The following LTBP2 variants were observed in gnomAD, a reference collection of about 807,000 sequenced individuals.
LTBP2 encodes latent transforming growth factor beta binding protein 2, also known as latent-transforming growth factor beta-binding protein 2.
In LTBP2, 103 loss-of-function variants were observed where a neutral mutation model predicts 210.6. The observed-to-expected ratio is 0.49, with a 90% CI of 0.42 to 0.58. The LOEUF is 0.58. Among genes scored for constraint, LTBP2 ranks in the 20% least tolerant of loss-of-function variants. The pLI is 0.00. For synonymous variants in LTBP2, 1,007 were observed against 1,015.0 expected (o/e 0.99, Z 0.15); for missense variants, 2,313 against 2,494.5 (o/e 0.93, Z 1.55).
chr14:74,521,809 C>T (rs2087205927), intron 17 of LTBP2, 102 bp downstream of exon 17: 1 of 1,499,986 alleles, frequency 6.7e-7, no homozygotes, highest in South Asian at 1.1e-5. Context: ...CTGCCCACTC[C>T]CCATTCTGCG....
In LTBP2 at chr14:74,540,168, T is replaced by C. The variant is rs150076954; in HGVS notation, c.1790-4168A>G. Among the ~76,000 whole-genome samples the C allele has an allele frequency of 3.2e-4, 48 of 152,180 alleles. 1 individual carries two copies. The highest frequency in any genetic ancestry group is 1.1e-3 in the African/African-American group (47 of 41,536). Reference sequence around the variant, plus strand: ...AGCTTCTGTAAGACCAAGTACAGCATTGAATCCAAAAAATCAGGTTAAGGC... The same window carrying C: ...AGCTTCTGTAAGACCAAGTACAGCACTGAATCCAAAAAATCAGGTTAAGGC... On this transcript the variant is annotated intron_variant, in intron 8 of 35. Coordinates refer to ENST00000261978, the MANE Select transcript of LTBP2 (RefSeq NM_000428.3).
chr14:74,546,633 G>T (rs558880739), intron 8 of LTBP2, among the ~76,000 whole-genome samples: 28 of 152,352 alleles, frequency 1.8e-4, no homozygotes, highest in African/African-American at 6.7e-4. Context: ...TCTGGGATGG[G>T]GCAGAGCGAG....
chr14:74,503,437 TCTC>T lies in LTBP2; in HGVS notation c.4720+29_4720+31del, dbSNP rs750603427. On this transcript the variant is annotated intron_variant, in intron 32 of 35. Coordinates refer to ENST00000261978, the MANE Select transcript of LTBP2 (RefSeq NM_000428.3). ...ATGAGCCCCCCAGCCCAGGTACCCTTCTCCTGCTCCCCCACGCTCAGGCCCACT... is the reference window on the plus strand; with the variant it reads ...ATGAGCCCCCCAGCCCAGGTACCCTTCTGCTCCCCCACGCTCAGGCCCACT... 3.1e-6 allele frequency: 5 copies of T among 1,609,294 alleles called. No individual in the cohort carries two copies. In the East Asian group the frequency reaches 6.7e-5, roughly 22 times the overall value.
intron 17 of LTBP2, among the ~76,000 whole-genome samples, chr14:74,517,459 C>T (rs1331630753): frequency 2.0e-5 from 3 of 152,130 alleles, no homozygotes; most frequent in Non-Finnish European, 4.4e-5. Flanking sequence ...CAACCTCTGC[C>T]TCCCTGGCTC....
Position 74,507,220 on chromosome 14 carries a change from C to G in LTBP2, c.3866G>C (p.Cys1289Ser), listed in dbSNP as rs765777797. The G allele has an allele frequency of 6.2e-7, 1 of 1,614,212 alleles. No individual in the cohort carries two copies. The highest frequency in any genetic ancestry group is 2.2e-5 in the East Asian group (1 of 44,892). ...CGGGGCCATGTGGAAGCCAGGCTGG[C>G]AGCCCAGAACACAGCGGTAGGAGCC... Reference protein sequence around the residue: ...SPGSYRCVLGCQPGFHMAPNG... With the variant: ...SPGSYRCVLGSQPGFHMAPNG... Residue 1289 changes from cysteine to serine, a missense_variant, in exon 26 of 36, where the codon TGC becomes TCC. Around this residue, in one of 3 missense-constraint regions of LTBP2, gnomAD observed 1,867 missense variants for 1,976.9 expected, o/e 0.94. Transcript: ENST00000261978.
intron 3 of LTBP2, among the ~76,000 whole-genome samples, chr14:74,572,966 C>T (rs2088005304): frequency 6.6e-6 from 1 of 152,198 alleles, no homozygotes; most frequent in Non-Finnish European, 1.5e-5. Flanking sequence ...ATGAACATAG[C>T]TACAAGCTTG....
Position 74,513,191 on chromosome 14 carries a change from G to T in LTBP2, c.2909-1827C>A, listed in dbSNP as rs371236492. Among the ~76,000 whole-genome samples, 5 of 152,204 alleles carry T rather than the reference G, an allele frequency of 3.3e-5. No homozygotes were observed. The East Asian group carries it at 7.7e-4, about 23-fold the overall frequency. Reference sequence around the variant, plus strand: ...ATGCTGGGCACATCTCTTGGAGGTGGTGTGTGTAGTGTCTTAATGCTGGGC... The same window carrying T: ...ATGCTGGGCACATCTCTTGGAGGTGTTGTGTGTAGTGTCTTAATGCTGGGC... On this transcript the variant is annotated intron_variant, in intron 18 of 35. Coordinates refer to ENST00000261978, the MANE Select transcript of LTBP2 (RefSeq NM_000428.3).
In LTBP2 at chr14:74,612,147, C is replaced by T; in HGVS notation, c.-203G>A. ...CCCGAGCCTCGAGTCCGCGCTCCTA[C>T]TCCAGCTGGGCTCGCACGGCTGCTG... is the stretch of plus-strand genomic sequence containing the variant. On this transcript the variant is annotated 5_prime_UTR_variant, in exon 1 of 36. Transcript: ENST00000261978. 1.8e-6 allele frequency: 1 copy of T among 541,886 alleles called. No homozygotes were observed. The highest frequency in any genetic ancestry group is 3.1e-6 in the Non-Finnish European group (1 of 320,390). 33.6% of individuals were successfully genotyped at this position (541,886 alleles called of 1,614,324 possible).
chr14:74,533,315 T>C (rs2087375770), intron 9 of LTBP2, among the ~76,000 whole-genome samples: 1 of 152,058 alleles, frequency 6.6e-6, no homozygotes, highest in Admixed American at 6.5e-5. Flanking sequence ...CACCCACTGG[T>C]TTGGGGAAAT....
intron 17 of LTBP2, among the ~76,000 whole-genome samples, chr14:74,520,416 C>A (rs1221677130): frequency 6.6e-6 from 1 of 152,154 alleles, no homozygotes; most frequent in Middle Eastern, 3.2e-3. Context: ...TTAAATGGGG[C>A]TAAGGATTTC....
At chr14:74,594,512 C>T (rs1173825863) in intron 2 of LTBP2, among the ~76,000 whole-genome samples, 1 of 152,216 alleles carries the variant, frequency 6.6e-6, no homozygotes, top group Non-Finnish European at 1.5e-5. Context: ...CACTGAGCCA[C>T]CCGATCCCCT....
chr14:74,546,657 C>T (rs1323019497), intron 8 of LTBP2, among the ~76,000 whole-genome samples: 2 of 152,142 alleles, frequency 1.3e-5, no homozygotes, highest in South Asian at 2.1e-4. Context: ...AAGGGCTGAG[C>T]GTTGGGTGTG....
chr14:74,587,419 G>A (rs1218964594), intron 2 of LTBP2, among the ~76,000 whole-genome samples: 2 of 151,808 alleles, frequency 1.3e-5, no homozygotes, highest in Non-Finnish European at 2.9e-5. Context: ...TGATGCAGGG[G>A]TCCAGGCCGA....
intron 3 of LTBP2, among the ~76,000 whole-genome samples, chr14:74,557,715 G>A (rs947943881): frequency 1.3e-5 from 2 of 151,500 alleles, no homozygotes; most frequent in Non-Finnish European, 3.0e-5. Flanking sequence ...CAATGTCTAT[G>A]AACCACTGTG....
chr14:74,604,164 C>CAAAAA (rs59313477), intron 1 of LTBP2, among the ~76,000 whole-genome samples: 3,739 of 71,582 alleles, frequency 0.052, 131 homozygotes, highest in African/African-American at 0.081. Flanking sequence ...TGCCTCTCAC[C>CAAAAA]AAAAAAAAAA....
At chr14:74,583,576 C>A (rs2088165086) in intron 3 of LTBP2, among the ~76,000 whole-genome samples, 1 of 152,248 alleles carries the variant, frequency 6.6e-6, no homozygotes, top group African/African-American at 2.4e-5. Context: ...GACAGCCCTG[C>A]TGTGGGCCAG....
intron 18 of LTBP2, among the ~76,000 whole-genome samples, chr14:74,512,002 T>C (rs1487858751): frequency 6.6e-6 from 1 of 152,134 alleles, no homozygotes; most frequent in Non-Finnish European, 1.5e-5. Context: ...TCCAGGAAAG[T>C]CAGCCAGAAG....
chr14:74,572,322 T>TGAGAGA (rs33960423), intron 3 of LTBP2, among the ~76,000 whole-genome samples: 4 of 82,488 alleles, frequency 4.8e-5, no homozygotes, highest in South Asian at 3.3e-4. Context: ...TGTGTGTGTG[T>TGAGAGA]GAGAGAGAGA....
Position 74,501,152 on chromosome 14 carries a change from G to T in LTBP2, c.5321-123C>A, listed in dbSNP as rs949491661. 3.9e-6 allele frequency: 5 copies of T among 1,277,820 alleles called. No individual in the cohort carries two copies. In the African/African-American group the frequency reaches 7.4e-5, roughly 19 times the overall value. 79.2% of individuals were successfully genotyped at this position (1,277,820 alleles called of 1,614,324 possible). On this transcript the variant is annotated intron_variant, in intron 35 of 35. Coordinates refer to ENST00000261978, the MANE Select transcript of LTBP2 (RefSeq NM_000428.3). ...TGAAACCCTAAGTGTGACAGCCAGA[G>T]GCTGAAGTCACTTCCCAAAACCAAG...
Sources: allele counts gnomAD v4.1 joint callset (sites outside exome capture counted in the v4.1 genomes callset), GRCh38; gene constraint gnomAD v4.1.1; regional missense constraint gnomAD v4.1.1; transcripts MANE v1.5; gene names NCBI Gene and HGNC (gene_info 2026-07-23, HGNC 2026-07-21).